The following ARHGAP44 variants were observed in gnomAD, a reference collection of about 807,000 sequenced individuals.
The protein encoded by ARHGAP44 is rho GTPase-activating protein 44.
In ARHGAP44, 43 loss-of-function variants were observed where a neutral mutation model predicts 106.8. The observed-to-expected ratio is 0.40, with a 90% confidence interval of 0.32 to 0.52. ARHGAP44 has a LOEUF of 0.52. Among genes scored for constraint, ARHGAP44 ranks in the 20% least tolerant of loss-of-function variants. ARHGAP44 has a pLI of 0.48. For missense variants in ARHGAP44, 866 were observed against 1,050.5 expected, an observed-to-expected ratio of 0.82 and a Z score of 2.43; for synonymous variants, 439 against 410.3, an observed-to-expected ratio of 1.07 and a Z score of -0.85.
chr17:12,873,922 T>C (rs2036475046), intron 1 of ARHGAP44, among the ~76,000 whole-genome samples: 1 of 23,442 alleles, frequency 4.3e-5, no homozygotes, highest in East Asian at 2.0e-3. Flanking sequence ...AATAAATAAA[T>C]AAATAAACAA....
chr17:12,978,413 G>A (rs2039748979), intron 18 of ARHGAP44, among the ~76,000 whole-genome samples: 2 of 152,354 alleles, frequency 1.3e-5, no homozygotes, highest in East Asian at 3.9e-4. Context: ...GCCCCTTGGG[G>A]AACTAGGTAT....
chr17:12,843,520 A>G (rs1057487574), intron 1 of ARHGAP44, among the ~76,000 whole-genome samples: 16 of 151,704 alleles, frequency 1.1e-4, no homozygotes, highest in Non-Finnish European at 2.2e-4. Flanking sequence ...CAATTGATTA[A>G]CTTTTCTCTT....
intron 4 of ARHGAP44, among the ~76,000 whole-genome samples, chr17:12,914,138 A>G (rs1475213142): frequency 6.6e-6 from 1 of 152,170 alleles, no homozygotes; most frequent in Non-Finnish European, 1.5e-5. Context: ...TAATACAAAA[A>G]TAGCCAAGGA....
intron 16 of ARHGAP44, among the ~76,000 whole-genome samples, chr17:12,972,668 T>A (rs776019482): frequency 0.029 from 3,205 of 112,336 alleles, 39 homozygotes; most frequent in Non-Finnish European, 0.038. Context: ...AATAAATATT[T>A]TTTTTTTTTT....
intron 4 of ARHGAP44, among the ~76,000 whole-genome samples, chr17:12,910,911 G>T (rs1162654776): frequency 6.6e-6 from 1 of 151,820 alleles, no homozygotes; most frequent in Non-Finnish European, 1.5e-5. Flanking sequence ...AATAAATTTA[G>T]TGTCAAATAT....
chr17:12,829,551 T>G (rs1225533693), intron 1 of ARHGAP44, among the ~76,000 whole-genome samples: 1 of 152,186 alleles, frequency 6.6e-6, no homozygotes, highest in African/African-American at 2.4e-5. Flanking sequence ...CAATTGTACA[T>G]AGAACCCAGC....
intron 13 of ARHGAP44, among the ~76,000 whole-genome samples, chr17:12,953,236 T>C (rs1409010374): frequency 1.3e-5 from 2 of 152,154 alleles, no homozygotes; most frequent in Non-Finnish European, 2.9e-5. Flanking sequence ...CTCTCGCTTT[T>C]CTTGCTACCA....
chr17:12,892,171 T>C (rs2037068842), intron 1 of ARHGAP44, among the ~76,000 whole-genome samples: 1 of 152,206 alleles, frequency 6.6e-6, no homozygotes, highest in Admixed American at 6.5e-5. Flanking sequence ...ATATCTGAGA[T>C]TGTCTTGATC....
At chr17:12,979,955 T>TG (rs1215585236) in intron 18 of ARHGAP44, 103 bp from the exon 19 acceptor site, 119 of 1,272,798 alleles carry the variant, frequency 9.3e-5, no homozygotes, top group South Asian at 2.3e-4. Context: ...GGGACAGACT[T>TG]GCACGGGGCC....
At chr17:12,825,065 T>C (rs1597895053) in intron 1 of ARHGAP44, among the ~76,000 whole-genome samples, 1 of 152,138 alleles carries the variant, frequency 6.6e-6, no homozygotes, top group South Asian at 2.1e-4. Flanking sequence ...AGATGGTGTC[T>C]CACTCTGTCA....
intron 1 of ARHGAP44, among the ~76,000 whole-genome samples, chr17:12,803,344 C>T (rs1033282707): frequency 1.3e-5 from 2 of 151,972 alleles, no homozygotes; most frequent in African/African-American, 4.8e-5. Flanking sequence ...TGACCTCAAG[C>T]GATCTGCCTG....
At chr17:12,935,387 A>C (rs1050891911) in intron 7 of ARHGAP44, among the ~76,000 whole-genome samples, 2 of 152,052 alleles carry the variant, frequency 1.3e-5, no homozygotes, top group Non-Finnish European at 1.5e-5. Context: ...CAGCCTGACC[A>C]ACATGGTGAA....
chr17:12,792,112 A>G (rs2033780468), intron 1 of ARHGAP44, among the ~76,000 whole-genome samples: 1 of 152,110 alleles, frequency 6.6e-6, no homozygotes, highest in Admixed American at 6.5e-5. Context: ...CTTGCCCCAA[A>G]CACACTGAGC....
intron 7 of ARHGAP44, among the ~76,000 whole-genome samples, chr17:12,935,765 T>C (rs2038529464): frequency 1.3e-5 from 2 of 152,232 alleles, no homozygotes; most frequent in Admixed American, 1.3e-4. Flanking sequence ...GCCAATGATG[T>C]AGAGAAAAAT....
chr17:12,894,857 GC>G, intron 1 of ARHGAP44, 82 bp from the exon 2 acceptor site: 1 of 1,247,320 alleles, frequency 8.0e-7, no homozygotes, highest in Non-Finnish European at 1.1e-6. Flanking sequence ...TTCTGGTATT[GC>G]CTTAATTGAA....
intron 1 of ARHGAP44, among the ~76,000 whole-genome samples, chr17:12,841,275 C>T (rs1250316314): frequency 6.6e-6 from 1 of 152,092 alleles, no homozygotes; most frequent in East Asian, 1.9e-4. Context: ...AATGGATTAC[C>T]AATGCCTTTT....
At chr17:12,895,082 G>A in intron 2 of ARHGAP44, 103 bp downstream of exon 2, 2 of 1,071,836 alleles carry the variant, frequency 1.9e-6, no homozygotes, top group South Asian at 1.4e-5. Flanking sequence ...AGTTAGCCGG[G>A]ATCGTGCCAC....
chr17:12,927,292 T>C (rs763181989), intron 6 of ARHGAP44, among the ~76,000 whole-genome samples: 3 of 152,218 alleles, frequency 2.0e-5, no homozygotes, highest in Non-Finnish European at 4.4e-5. Context: ...TCATTTTTGC[T>C]CCTTTTTGCT....
At chr17:12,810,999 T>C (rs1042324061) in intron 1 of ARHGAP44, among the ~76,000 whole-genome samples, 1 of 152,056 alleles carries the variant, frequency 6.6e-6, no homozygotes, top group Non-Finnish European at 1.5e-5. Context: ...TAAAGTAATC[T>C]AGAGGAAAGA....
Sources: gnomAD v4.1 joint callset for allele counts (sites outside exome capture counted in the v4.1 genomes callset) on GRCh38, gnomAD v4.1.1 for gene constraint, MANE v1.5 for transcripts, NCBI Gene and HGNC (gene_info 2026-07-23, HGNC 2026-07-21) for gene names.